The following MCM3AP variants were observed in gnomAD, a reference collection of about 807,000 sequenced individuals.
MCM3AP encodes minichromosome maintenance complex component 3 associated protein, also known as germinal-center associated nuclear protein.
MCM3AP carries 126 observed loss-of-function variants against 184.1 expected under a neutral mutation model. The ratio of observed to expected loss-of-function variants is 0.68; its 90% CI spans 0.59 to 0.79. MCM3AP has a LOEUF of 0.79. Ranked by LOEUF, MCM3AP falls within the 30% of genes least tolerant of loss-of-function variation. The pLI is 0.00. For synonymous variants in MCM3AP, 1,002 were observed against 979.3 expected, an observed-to-expected ratio of 1.02 and a Z score of -0.43; for missense variants, 2,496 against 2,479.2, an observed-to-expected ratio of 1.01 and a Z score of -0.14.
chr21:46,257,474 C>CAAAA (rs369556689), intron 16 of MCM3AP, among the ~76,000 whole-genome samples: 6 of 49,336 alleles, frequency 1.2e-4, no homozygotes, highest in African/African-American at 4.1e-4. Context: ...GGCTCCGTCT[C>CAAAA]AAAAAAAAAA....
chr21:46,282,612 G>A (rs1365636986), intron 2 of MCM3AP, among the ~76,000 whole-genome samples: 5 of 152,042 alleles, frequency 3.3e-5, no homozygotes, highest in African/African-American at 1.2e-4. Context: ...AGACCATCCT[G>A]GCTGACACAG....
chr21:46,278,982 T>A (rs1224127737), intron 4 of MCM3AP, among the ~76,000 whole-genome samples: 7 of 141,646 alleles, frequency 4.9e-5, no homozygotes, highest in African/African-American at 1.9e-4. Flanking sequence ...AGGAGACAGC[T>A]CTTCAGGAAA....
At chr21:46,265,009 C>T (rs1367172217) in intron 12 of MCM3AP, among the ~76,000 whole-genome samples, 3 of 151,740 alleles carry the variant, frequency 2.0e-5, no homozygotes, top group African/African-American at 7.3e-5. Flanking sequence ...CAGGCGGACA[C>T]GCCACCCCAG....
chr21:46,269,149 G>A (rs1314236390), intron 9 of MCM3AP, among the ~76,000 whole-genome samples: 2 of 152,004 alleles, frequency 1.3e-5, no homozygotes, highest in African/African-American at 4.8e-5. Context: ...TTTTGAGAGG[G>A]CCTCTGTTGC....
Position 46,246,702 on chromosome 21 carries a change from A to C in MCM3AP, c.4475T>G (p.Phe1492Cys). The C allele has an allele frequency of 1.2e-6, 2 of 1,614,258 alleles. No individual in the cohort carries two copies. Among genetic ancestry groups the C allele is most frequent in the Non-Finnish European group, 1.7e-6 (2 of 1,180,036 alleles). The part of the protein sequence containing the change: ...QLKQLLQAKP[F>C]QPALPLVVLV... ...AACCACCAGAGGAAGCGCAGGCTGG[A>C]AGGGCTTAGCCTGCAGGAGCTGCTT... Residue 1492 changes from phenylalanine (F) to cysteine (C), a missense_variant, in exon 21 of 28, where the codon TTC becomes TGC. Phe to Cys is a radical substitution (Grantham distance 205, BLOSUM62 -2). Transcript: ENST00000291688.
In MCM3AP at chr21:46,245,100, T is replaced by C. The variant is rs750660814; in HGVS notation, c.4745A>G (p.His1582Arg). 2.5e-6 allele frequency: 4 copies of C among 1,614,042 alleles called. No individual in the cohort carries two copies. Among genetic ancestry groups the C allele is most frequent in the Non-Finnish European group, 2.5e-6 (3 of 1,180,032 alleles). ...ATGGAAAAAGCGGCCACTAAACTCATGGCCAATCCCGTCTTCGACGTACTG... is the reference window on the plus strand; with the variant it reads ...ATGGAAAAAGCGGCCACTAAACTCACGGCCAATCCCGTCTTCGACGTACTG... ...LIQYVEDGIG[H>R]EFSGRFFHDR... The change falls in exon 23 of 28, where the codon CAT becomes CGT. Residue 1582 changes from histidine (H) to arginine (R), a missense_variant. His to Arg is a conservative substitution (Grantham distance 29). Coordinates refer to ENST00000291688, the MANE Select transcript of MCM3AP (RefSeq NM_003906.5).
chr21:46,283,407 G>C (rs190900487), intron 2 of MCM3AP, among the ~76,000 whole-genome samples: 86 of 152,250 alleles, frequency 5.6e-4, no homozygotes, highest in Non-Finnish European at 1.1e-3. Flanking sequence ...AACTCTCCCA[G>C]CATTTCTAGA....
chr21:46,263,950 T>C (rs1368422243), intron 13 of MCM3AP, among the ~76,000 whole-genome samples, 167 bp downstream of exon 13: 1 of 152,048 alleles, frequency 6.6e-6, no homozygotes, highest in Non-Finnish European at 1.5e-5. Flanking sequence ...CAAAACCATC[T>C]TGAAAAAGAA....
In MCM3AP at chr21:46,251,654, A is replaced by G; in HGVS notation, c.4165T>C (p.Phe1389Leu). 6.3e-7 allele frequency: 1 copy of G among 1,598,712 alleles called. No individual in the cohort carries two copies. The highest frequency in any genetic ancestry group is 8.6e-7 in the Non-Finnish European group (1 of 1,167,490). ...TCCACTGAGCCTTCATCTCCCATGAACTTGACTTTTAACCAATTTGCTAGA... is the reference window on the plus strand; with the variant it reads ...TCCACTGAGCCTTCATCTCCCATGAGCTTGACTTTTAACCAATTTGCTAGA... ...RILANWLKVK[F>L]MGDEGSVDDT... The change falls in exon 20 of 28, where the codon TTC becomes CTC. Residue 1389 changes from phenylalanine (F) to leucine (L), a missense_variant. Around this residue, in one of 5 missense-constraint regions of MCM3AP, gnomAD observed 1,323 missense variants for 1,273.4 expected, o/e 1.04. Coordinates refer to ENST00000291688, the MANE Select transcript of MCM3AP (RefSeq NM_003906.5).
intron 17 of MCM3AP, among the ~76,000 whole-genome samples, chr21:46,255,722 A>G (rs1026572188): frequency 1.6e-4 from 24 of 151,932 alleles, no homozygotes; most frequent in Non-Finnish European, 3.2e-4. Context: ...TCAGTGACAG[A>G]CAGGGGTGAC....
At chr21:46,279,083 C>T (rs8126666) in intron 4 of MCM3AP, among the ~76,000 whole-genome samples, 28,663 of 150,714 alleles carry the variant, frequency 0.19, 4,823 homozygotes, top group African/African-American at 0.46. Flanking sequence ...GTCAGGAGTT[C>T]GAGACCAGCC....
In MCM3AP at chr21:46,241,089, A is replaced by T. The variant is rs560592494; in HGVS notation, c.5427-72T>A. Reference sequence around the variant, plus strand: ...CTACAGCATCATGTAAAGCATGTAGATACATTTGCACATGTGCATTAACAT... The same window carrying T: ...CTACAGCATCATGTAAAGCATGTAGTTACATTTGCACATGTGCATTAACAT... On this transcript the variant is annotated intron_variant, in intron 25 of 27. Coordinates refer to ENST00000291688, the MANE Select transcript of MCM3AP (RefSeq NM_003906.5). 12 of 1,122,200 alleles carry T rather than the reference A, an allele frequency of 1.1e-5. No homozygotes were observed. In the African/African-American group the frequency reaches 1.4e-4, roughly 13 times the overall value. 69.5% of individuals were successfully genotyped at this position (1,122,200 alleles called of 1,614,324 possible). A position where few individuals can be genotyped will look rare whatever the true frequency, so the allele number is the denominator to read the frequency against.
intron 2 of MCM3AP, 77 bp downstream of exon 2, chr21:46,283,538 G>GA: frequency 1.1e-6 from 1 of 921,706 alleles, no homozygotes; most frequent in Non-Finnish European, 1.7e-6. Flanking sequence ...ACAACTGAGG[G>GA]ACCAAAAAAA....
chr21:46,237,295 G>C (rs142728338), intron 26 of MCM3AP, among the ~76,000 whole-genome samples: 55 of 152,042 alleles, frequency 3.6e-4, no homozygotes, highest in African/African-American at 1.3e-3. Context: ...TAGAGATGGG[G>C]TTTCACCATA....
chr21:46,257,626 T>TA (rs981002969), intron 16 of MCM3AP, among the ~76,000 whole-genome samples: 15 of 150,158 alleles, frequency 1.0e-4, no homozygotes, highest in Non-Finnish European at 2.1e-4. Context: ...TTACCAGAGC[T>TA]AAAAAGAGCT....
Position 46,259,095 on chromosome 21 carries a change from G to T in MCM3AP, c.3582-4C>A, listed in dbSNP as rs1181363951. ...CTGGTCTGTCTCTACTGCATTCCTA[G>T]AAACAGGGCAATCAGCATGGAAGAC... On this transcript the variant is annotated splice_region_variant and splice_polypyrimidine_tract_variant and intron_variant, in intron 15 of 27. Transcript: ENST00000291688. 4 of 1,603,710 alleles carry T rather than the reference G, an allele frequency of 2.5e-6. No individual in the cohort carries two copies. In the Admixed American group the frequency reaches 7.0e-5, roughly 28 times the overall value.
At chr21:46,255,101 G>C (rs532623782) in intron 17 of MCM3AP, among the ~76,000 whole-genome samples, 28 of 152,330 alleles carry the variant, frequency 1.8e-4, no homozygotes, top group African/African-American at 6.5e-4. Flanking sequence ...TCTCTAAGTG[G>C]CTGGCCTGGC....
At chr21:46,244,663 G>A (rs1247328154) in intron 23 of MCM3AP, 144 bp downstream of exon 23, 7 of 882,524 alleles carry the variant, frequency 7.9e-6, no homozygotes, top group Non-Finnish European at 1.0e-5. Flanking sequence ...GAAGGTGCAG[G>A]CGAGCACAGC....
chr21:46,242,654 A>T, intron 25 of MCM3AP, 148 bp downstream of exon 25: 1 of 689,048 alleles, frequency 1.5e-6, no homozygotes, highest in Non-Finnish European at 2.3e-6. Flanking sequence ...AATAGTTTCT[A>T]CTGCATGGGA....
Sources: gnomAD v4.1 joint callset for allele counts (sites outside exome capture counted in the v4.1 genomes callset) on GRCh38, gnomAD v4.1.1 for gene constraint, gnomAD v4.1.1 regional missense constraint, MANE v1.5 for transcripts, NCBI Gene and HGNC (gene_info 2026-07-23, HGNC 2026-07-21) for gene names.